The following GRID2 variants were observed in gnomAD, a reference collection of about 807,000 sequenced individuals.
The protein encoded by GRID2 is glutamate receptor ionotropic, delta-2.
A neutral mutation model predicts 114.8 loss-of-function variants in GRID2; 33 were observed. That is an observed-to-expected ratio of 0.29 (90% CI 0.22 to 0.38). GRID2 has a LOEUF of 0.38. Among genes scored for constraint, GRID2 ranks in the 10% least tolerant of loss-of-function variants. The probability of loss-of-function intolerance (pLI) is 1.00; values close to 1 mark genes in which losing one functional copy is unlikely to be tolerated. For missense variants in GRID2, 1,184 were observed against 1,257.7 expected, an observed-to-expected ratio of 0.94 and a Z score of 0.89; for synonymous variants, 505 against 449.9, an observed-to-expected ratio of 1.12 and a Z score of -1.55.
chr4:93,007,455 A>C (rs1376450934), intron 2 of GRID2, among the ~76,000 whole-genome samples: 1 of 152,194 alleles, frequency 6.6e-6, no homozygotes, highest in Admixed American at 6.6e-5. Context: ...ATAAAGCAGC[A>C]GTAAAGCCTT....
At chr4:92,738,892 C>T (rs908437260) in intron 2 of GRID2, among the ~76,000 whole-genome samples, 1 of 152,092 alleles carries the variant, frequency 6.6e-6, no homozygotes, top group Non-Finnish European at 1.5e-5. Context: ...TGGTCTAGAA[C>T]CCTGGCTCTA....
intron 2 of GRID2, among the ~76,000 whole-genome samples, chr4:92,844,326 G>T (rs532176228): frequency 6.6e-6 from 1 of 152,082 alleles, no homozygotes; most frequent in African/African-American, 2.4e-5. Flanking sequence ...ATTATTGGAG[G>T]TCAGGAGTTT....
intron 4 of GRID2, among the ~76,000 whole-genome samples, chr4:93,202,378 C>T (rs7667127): frequency 0.69 from 104,556 of 152,026 alleles, 36,611 homozygotes; most frequent in Middle Eastern, 0.86. Context: ...AGATATTAAA[C>T]AGGTTCCAAA....
intron 12 of GRID2, among the ~76,000 whole-genome samples, chr4:93,503,679 T>G (rs1229848724): frequency 2.6e-5 from 4 of 152,034 alleles, no homozygotes; most frequent in African/African-American, 9.7e-5. Flanking sequence ...ACTTCAGTTT[T>G]TCGTCTTTTA....
intron 8 of GRID2, among the ~76,000 whole-genome samples, chr4:93,379,027 A>T (rs988850025): frequency 1.3e-5 from 2 of 152,048 alleles, no homozygotes; most frequent in Admixed American, 1.3e-4. Flanking sequence ...GACAAGAGTG[A>T]TACCTGTTTT....
At chr4:93,132,336 CT>C (rs891667868) in intron 4 of GRID2, among the ~76,000 whole-genome samples, 38 of 152,296 alleles carry the variant, frequency 2.5e-4, no homozygotes, top group African/African-American at 8.7e-4. Context: ...GCATGAAACA[CT>C]TTCTTTTTAT....
Position 93,774,531 on chromosome 4 carries a change from T to A in GRID2, c.*2033T>A, listed in dbSNP as rs1325046323. On this transcript the variant is annotated 3_prime_UTR_variant, in exon 16 of 16. Coordinates refer to ENST00000282020, the MANE Select transcript of GRID2 (RefSeq NM_001510.4). Reference sequence around the variant, plus strand: ...TTCTGTGTATAATTTGTCTAAATAATTTGTCTAATAAAAATGTTTTCTAAA... The same window carrying A: ...TTCTGTGTATAATTTGTCTAAATAAATTGTCTAATAAAAATGTTTTCTAAA... 2.0e-5 allele frequency: 3 copies of A among 152,158 alleles called. No individual in the cohort carries two copies. Among genetic ancestry groups the A allele is most frequent in the African/African-American group, 7.2e-5 (3 of 41,462 alleles). The allele number at this position is 152,158 out of a possible 1,614,324, so 9.4% of individuals were successfully genotyped here.
chr4:92,870,202 A>C (rs942158442), intron 2 of GRID2, among the ~76,000 whole-genome samples: 1 of 151,728 alleles, frequency 6.6e-6, no homozygotes. Flanking sequence ...CTCTGTCTCT[A>C]AAAAAGAACA....
rs150537751 is a variant in GRID2 at position 92,784,879 on chromosome 4, G to A, written c.244+194593G>A. ...TAAAGATTTTGATCCAGTGGTCTGA[G>A]CTGTGTCATCTTTTCTTTAGGTAGT... is the stretch of plus-strand genomic sequence containing the variant. On this transcript the variant is annotated intron_variant, in intron 2 of 15. Coordinates refer to ENST00000282020, the MANE Select transcript of GRID2 (RefSeq NM_001510.4). 5.1e-3 allele frequency among the ~76,000 whole-genome samples: 780 copies of A among 151,896 alleles called. 11 individuals are homozygous for A. Among genetic ancestry groups the A allele is most frequent in the African/African-American group, 0.018 (736 of 41,514 alleles).
chr4:92,414,991 T>C (rs2110310150), intron 1 of GRID2, among the ~76,000 whole-genome samples: 1 of 152,268 alleles, frequency 6.6e-6, no homozygotes, highest in Non-Finnish European at 1.5e-5. Context: ...GTTACGGTAG[T>C]CAGAGCATGC....
At chr4:93,024,179 C>A (rs1292676917) in intron 2 of GRID2, among the ~76,000 whole-genome samples, 5 of 151,798 alleles carry the variant, frequency 3.3e-5, no homozygotes, top group Admixed American at 2.0e-4. Flanking sequence ...TTACTAAGAT[C>A]ATTTTTGCTC....
chr4:93,473,982 C>G (rs541320371), intron 11 of GRID2, among the ~76,000 whole-genome samples: 3 of 152,078 alleles, frequency 2.0e-5, no homozygotes, highest in South Asian at 4.1e-4. Context: ...ATATAACTCA[C>G]CATTTTGTTT....
At chr4:93,461,245 C>A (rs1905724) in intron 11 of GRID2, among the ~76,000 whole-genome samples, 62,925 of 151,900 alleles carry the variant, frequency 0.41, 14,805 homozygotes, top group African/African-American at 0.63. Flanking sequence ...AGCTGCTATT[C>A]TTCCACTTGC....
At position 93,614,266 on chromosome 4, in the gene GRID2, C is replaced by T. The variant is rs140821102; in HGVS notation, c.2194-12003C>T. 5.7e-3 allele frequency among the ~76,000 whole-genome samples: 870 copies of T among 152,264 alleles called. 12 individuals are homozygous for T. Among genetic ancestry groups the T allele is most frequent in the African/African-American group, 0.019 (797 of 41,536 alleles). ...CTCAGATGGAAATGCAGAAATCACC[C>T]GTCTTCTGCGTCGCTCACGCTGGGA... On this transcript the variant is annotated intron_variant, in intron 13 of 15. Coordinates refer to ENST00000282020, the MANE Select transcript of GRID2 (RefSeq NM_001510.4).
chr4:93,713,428 A>AATTTATTTATTT (rs61147386), intron 14 of GRID2, among the ~76,000 whole-genome samples: 6 of 150,230 alleles, frequency 4.0e-5, no homozygotes, highest in African/African-American at 1.5e-4. Flanking sequence ...TTAAATGTGG[A>AATTTATTTATTT]ATTTATTTAT....
At chr4:93,215,327 G>C (rs1744071678) in intron 5 of GRID2, among the ~76,000 whole-genome samples, 1 of 151,836 alleles carries the variant, frequency 6.6e-6, no homozygotes. Flanking sequence ...TGTATCATTT[G>C]GAATTTAAAA....
chr4:92,495,168 A>G (rs1236816547), intron 1 of GRID2, among the ~76,000 whole-genome samples: 3 of 152,004 alleles, frequency 2.0e-5, no homozygotes. Context: ...TAGATCAAAG[A>G]AACTGCTTCT....
At chr4:93,478,468 C>T (rs1560662460) in intron 11 of GRID2, among the ~76,000 whole-genome samples, 6 of 151,660 alleles carry the variant, frequency 4.0e-5, no homozygotes. Context: ...TTTGAAATAA[C>T]ATATTTTTAT....
At position 92,817,968 on chromosome 4, in the gene GRID2, C is replaced by T. The variant is rs75060197; in HGVS notation, c.244+227682C>T. On this transcript the variant is annotated intron_variant, in intron 2 of 15. Coordinates refer to ENST00000282020, the MANE Select transcript of GRID2 (RefSeq NM_001510.4). ...AGAGTCAGGCCAATGCTATGTTTGC[C>T]GCTAAAAACTATGTTATCCAAAAGA... is the stretch of plus-strand genomic sequence containing the variant. 6.7e-3 allele frequency among the ~76,000 whole-genome samples: 1,023 copies of T among 152,110 alleles called. 18 individuals carry two copies. The highest frequency in any genetic ancestry group is 0.023 in the African/African-American group (956 of 41,508).
Sources: allele counts gnomAD v4.1 joint callset (sites outside exome capture counted in the v4.1 genomes callset), GRCh38; gene constraint gnomAD v4.1.1; transcripts MANE v1.5; gene names NCBI Gene and HGNC (gene_info 2026-07-23, HGNC 2026-07-21).